The following ST8SIA1 variants were observed in gnomAD, a reference collection of about 807,000 sequenced individuals.
The protein encoded by ST8SIA1 is ST8 alpha-N-acetyl-neuraminide alpha-2,8-sialyltransferase 1, also known as alpha-N-acetylneuraminide alpha-2,8-sialyltransferase.
A neutral mutation model predicts 35.9 loss-of-function variants in ST8SIA1; 16 were observed. The observed-to-expected ratio is 0.45, with a 90% CI of 0.30 to 0.68. ST8SIA1 has a LOEUF of 0.68. ST8SIA1 is among the 30% of genes least tolerant of loss of function. ST8SIA1 has a pLI of 0.09. For missense variants in ST8SIA1, 383 were observed against 453.6 expected (o/e 0.84, Z 1.41); for synonymous variants, 170 against 169.6 (o/e 1.00, Z -0.02).
At chr12:22,294,174 T>C (rs1234333744) in intron 1 of ST8SIA1, among the ~76,000 whole-genome samples, 1 of 152,064 alleles carries the variant, frequency 6.6e-6, no homozygotes, top group South Asian at 2.1e-4. Context: ...TACCTACTAG[T>C]CTATGTAGCT....
intron 1 of ST8SIA1, among the ~76,000 whole-genome samples, chr12:22,320,983 GAA>G (rs879284541): frequency 0.021 from 2,457 of 117,338 alleles, 52 homozygotes; most frequent in Middle Eastern, 0.048. Context: ...AAGAAAGAAA[GAA>G]AGAAAGAAAG....
intron 4 of ST8SIA1, among the ~76,000 whole-genome samples, chr12:22,247,114 T>TTCCC (rs1473742803): frequency 0.011 from 1,513 of 139,540 alleles, 30 homozygotes; most frequent in African/African-American, 0.037. Flanking sequence ...CCTCGTCTCT[T>TTCCC]TCCCTCCCTC....
intron 1 of ST8SIA1, among the ~76,000 whole-genome samples, chr12:22,323,594 T>A (rs1591858134): frequency 6.6e-6 from 1 of 152,294 alleles, no homozygotes; most frequent in East Asian, 1.9e-4. Context: ...AGCAAAGTCA[T>A]GGAATCAACC....
chr12:22,233,071 G>A (rs770428620), intron 4 of ST8SIA1, among the ~76,000 whole-genome samples: 4 of 152,090 alleles, frequency 2.6e-5, no homozygotes, highest in South Asian at 4.2e-4. Flanking sequence ...GATTGAAAAG[G>A]TCCACTGCGT....
intron 4 of ST8SIA1, among the ~76,000 whole-genome samples, chr12:22,217,576 C>G (rs1865247808): frequency 2.0e-5 from 3 of 152,164 alleles, no homozygotes; most frequent in African/African-American, 7.2e-5. Context: ...AAGCTGGTTA[C>G]TTCATTGCTT....
chr12:22,234,185 A>G (rs1279736536), intron 4 of ST8SIA1, among the ~76,000 whole-genome samples: 1 of 151,614 alleles, frequency 6.6e-6, no homozygotes, highest in Non-Finnish European at 1.5e-5. Flanking sequence ...ACTTGAACCC[A>G]GGAGGCAGAG....
At chr12:22,208,645 G>A (rs1262381078) in intron 4 of ST8SIA1, among the ~76,000 whole-genome samples, 2 of 152,098 alleles carry the variant, frequency 1.3e-5, no homozygotes, top group Admixed American at 1.3e-4. Flanking sequence ...AACATCATAT[G>A]AGAGGTATAA....
At chr12:22,249,251 C>T (rs1225080690) in intron 3 of ST8SIA1, among the ~76,000 whole-genome samples, 153 bp from the exon 4 acceptor site, 3 of 144,092 alleles carry the variant, frequency 2.1e-5, no homozygotes, top group Non-Finnish European at 4.5e-5. Flanking sequence ...TGGAGTCTCG[C>T]TCTGTTGCCC....
intron 4 of ST8SIA1, among the ~76,000 whole-genome samples, chr12:22,237,508 T>C (rs1270338451): frequency 6.6e-6 from 1 of 151,316 alleles, no homozygotes; most frequent in Non-Finnish European, 1.5e-5. Context: ...TAACTATATA[T>C]ATAATTTTAT....
At chr12:22,322,774 T>C (rs370487893) in intron 1 of ST8SIA1, among the ~76,000 whole-genome samples, 2 of 152,338 alleles carry the variant, frequency 1.3e-5, no homozygotes, top group East Asian at 3.9e-4. Flanking sequence ...ATGGAATTTT[T>C]GTGCCTTTTT....
intron 4 of ST8SIA1, among the ~76,000 whole-genome samples, chr12:22,225,177 C>T (rs1159053618): frequency 6.6e-6 from 1 of 152,102 alleles, no homozygotes; most frequent in Non-Finnish European, 1.5e-5. Context: ...ATTCTAGCCT[C>T]CAAAATTCTG....
chr12:22,328,658 A>G (rs1051465459), intron 1 of ST8SIA1, among the ~76,000 whole-genome samples: 10 of 152,358 alleles, frequency 6.6e-5, no homozygotes, highest in African/African-American at 2.4e-4. Flanking sequence ...ACAATCATAC[A>G]TGCATGGTAT....
chr12:22,321,001 AAGAAG>A (rs1866588906), intron 1 of ST8SIA1, among the ~76,000 whole-genome samples: 1 of 89,248 alleles, frequency 1.1e-5, no homozygotes, highest in Admixed American at 1.4e-4. Context: ...GAAAGAAAGA[AAGAAG>A]AAAGAAAGAA....
In ST8SIA1 at chr12:22,291,766, T is replaced by C. The variant is rs564743969; in HGVS notation, c.237-4473A>G. 3.8e-3 allele frequency among the ~76,000 whole-genome samples: 583 copies of C among 152,306 alleles called. 2 individuals carry two copies. Among genetic ancestry groups the C allele is most frequent in the Non-Finnish European group, 6.4e-3 (434 of 68,036 alleles). On this transcript the variant is annotated intron_variant, in intron 1 of 4. Coordinates refer to ENST00000396037, the MANE Select transcript of ST8SIA1 (RefSeq NM_003034.4). Reference sequence around the variant, plus strand: ...GTGAAGTGTAAGTGAATATTTAATATTGCAAGAAGAAAATGCTGCAATAAT... The same window carrying C: ...GTGAAGTGTAAGTGAATATTTAATACTGCAAGAAGAAAATGCTGCAATAAT...
At chr12:22,230,779 C>T (rs563519603) in intron 4 of ST8SIA1, among the ~76,000 whole-genome samples, 1 of 152,206 alleles carries the variant, frequency 6.6e-6, no homozygotes, top group African/African-American at 2.4e-5. Context: ...CAGGGCATTG[C>T]TGGGGGACGG....
chr12:22,332,351 T>C (rs575962631), intron 1 of ST8SIA1, among the ~76,000 whole-genome samples: 6 of 152,208 alleles, frequency 3.9e-5, no homozygotes, highest in Non-Finnish European at 7.4e-5. Flanking sequence ...ATTTTCCACT[T>C]GACTGTATCC....
chr12:22,208,869 A>T (rs1267753330), intron 4 of ST8SIA1, among the ~76,000 whole-genome samples: 1 of 152,170 alleles, frequency 6.6e-6, no homozygotes, highest in Non-Finnish European at 1.5e-5. Context: ...ATTTCAAACC[A>T]ATTCATAAAA....
intron 4 of ST8SIA1, among the ~76,000 whole-genome samples, chr12:22,209,165 G>A (rs773097404): frequency 6.6e-6 from 1 of 152,064 alleles, no homozygotes; most frequent in Non-Finnish European, 1.5e-5. Context: ...GCAGCAGATT[G>A]GGATGAAAAT....
At chr12:22,257,934 C>A (rs930875108) in intron 2 of ST8SIA1, among the ~76,000 whole-genome samples, 14 of 151,808 alleles carry the variant, frequency 9.2e-5, no homozygotes, top group Admixed American at 4.6e-4. Context: ...ATGTCATGGG[C>A]AGAAAGAGAG....
Sources: gnomAD v4.1 joint callset for allele counts (sites outside exome capture counted in the v4.1 genomes callset) on GRCh38, gnomAD v4.1.1 for gene constraint, MANE v1.5 for transcripts, NCBI Gene and HGNC (gene_info 2026-07-23, HGNC 2026-07-21) for gene names.